GANC: variants seen among roughly 807,000 people sequenced by gnomAD.
GANC encodes the protein glucosidase alpha, neutral C.
GANC carries 117 observed loss-of-function variants against 124.2 expected under a neutral mutation model. That is an observed-to-expected ratio of 0.94 (90% CI 0.81 to 1.10). The LOEUF (loss-of-function observed/expected upper bound fraction) is 1.10, where lower values mean the gene tolerates loss of function less well. Among genes scored for constraint, GANC ranks in the 50% least tolerant of loss-of-function variants. The pLI is 0.00. For missense variants in GANC, 1,140 were observed against 1,095.0 expected (o/e 1.04, Z -0.58); for synonymous variants, 377 against 376.8 (o/e 1.00, Z -0.01).
At chr15:42,291,362 A>T (rs1376313406) in intron 4 of GANC, among the ~76,000 whole-genome samples, 1 of 152,194 alleles carries the variant, frequency 6.6e-6, no homozygotes, top group Non-Finnish European at 1.5e-5. Flanking sequence ...TCAGCTATGG[A>T]TTCTTCTGAA....
intron 18 of GANC, among the ~76,000 whole-genome samples, chr15:42,341,260 C>T (rs542180558): frequency 1.3e-5 from 2 of 152,094 alleles, no homozygotes; most frequent in South Asian, 4.2e-4. Flanking sequence ...TAGCATTTCT[C>T]ATAATATTGT....
At chr15:42,313,850 G>C (rs1168203908) in intron 10 of GANC, 1 of 556,928 alleles carries the variant, frequency 1.8e-6, no homozygotes, top group African/African-American at 1.9e-5. Flanking sequence ...GTGCTTCCTT[G>C]AATTCAAGTA....
At chr15:42,280,685 A>G (rs1354693057) in intron 3 of GANC, among the ~76,000 whole-genome samples, 2 of 152,172 alleles carry the variant, frequency 1.3e-5, no homozygotes, top group Non-Finnish European at 2.9e-5. Context: ...CAGAGCAAGA[A>G]TCCCTATCCA....
intron 5 of GANC, among the ~76,000 whole-genome samples, chr15:42,296,710 T>C (rs1187306707): frequency 6.6e-6 from 1 of 152,146 alleles, no homozygotes; most frequent in Non-Finnish European, 1.5e-5. Context: ...GGTTTTTAAT[T>C]GGATTCCCAC....
chr15:42,299,794 T>C (rs2051928631), intron 6 of GANC, among the ~76,000 whole-genome samples: 1 of 151,952 alleles, frequency 6.6e-6, no homozygotes, highest in Non-Finnish European at 1.5e-5. Context: ...ACCTCAGAAA[T>C]AACCAAATAA....
chr15:42,332,739 C>T (rs1281815442), intron 15 of GANC, among the ~76,000 whole-genome samples: 1 of 151,348 alleles, frequency 6.6e-6, no homozygotes, highest in Non-Finnish European at 1.5e-5. Flanking sequence ...TTGAGCCAGG[C>T]ACAGTGGCTC....
intron 3 of GANC, 37 bp downstream of exon 3, chr15:42,278,627 T>TC: frequency 1.4e-6 from 2 of 1,448,106 alleles, no homozygotes; most frequent in Non-Finnish European, 1.9e-6. Context: ...AATAATTTGT[T>TC]TCTGTATTTA....
At chr15:42,288,411 T>G (rs961877122) in intron 4 of GANC, among the ~76,000 whole-genome samples, 7 of 152,206 alleles carry the variant, frequency 4.6e-5, no homozygotes, top group Non-Finnish European at 8.8e-5. Context: ...CATAACACTT[T>G]CCAGTGATAT....
Position 42,352,592 on chromosome 15 carries a change from G to T in GANC, c.*453G>T, listed in dbSNP as rs76540793. ...ACAGCAGCCTCTGGTACTCCCCCCA[G>T]TTATCTTCCACCCACATGGACTGGG... On this transcript the variant is annotated 3_prime_UTR_variant, in exon 24 of 24. Transcript: ENST00000318010. 0.019 allele frequency: 18,965 copies of T among 1,007,300 alleles called. 197 individuals are homozygous for T. The highest frequency in any genetic ancestry group is 0.021 in the Non-Finnish European group (17,594 of 842,024). The allele number at this position is 1,007,300 out of a possible 1,614,324, so 62.4% of individuals were successfully genotyped here.
chr15:42,286,837 A>G (rs1396040973), intron 3 of GANC, among the ~76,000 whole-genome samples: 3 of 152,238 alleles, frequency 2.0e-5, no homozygotes, highest in Admixed American at 2.0e-4. Flanking sequence ...AACAGACATA[A>G]TAGTAACAAC....
intron 15 of GANC, among the ~76,000 whole-genome samples, chr15:42,334,156 G>A (rs1427553687): frequency 1.8e-5 from 2 of 111,196 alleles, no homozygotes; most frequent in African/African-American, 6.6e-5. Flanking sequence ...AAAAAACATA[G>A]AATAAAATCT....
intron 20 of GANC, among the ~76,000 whole-genome samples, chr15:42,346,369 AT>A (rs2052363640): frequency 6.6e-6 from 1 of 152,200 alleles, no homozygotes; most frequent in South Asian, 2.1e-4. Flanking sequence ...TTAAGGAGTC[AT>A]GGGGAATGAC....
intron 11 of GANC, 108 bp downstream of exon 11, chr15:42,322,128 G>A (rs1454151237): frequency 1.2e-6 from 1 of 834,166 alleles, no homozygotes; most frequent in South Asian, 1.8e-5. Context: ...AAAAATGGCT[G>A]TGAAAATAGT....
Position 42,273,302 on chromosome 15 carries a change from T to C in GANC, c.-1180T>C. 6.2e-7 allele frequency: 1 copy of C among 1,614,118 alleles called. No homozygotes were observed. Among genetic ancestry groups the C allele is most frequent in the Middle Eastern group, 1.6e-4 (1 of 6,062 alleles). ...TTGGACCGGTCGGCAGCAGCTACGGTTGCCGGTCCCGCACTGAAAAACGAC... is the reference window on the plus strand; with the variant it reads ...TTGGACCGGTCGGCAGCAGCTACGGCTGCCGGTCCCGCACTGAAAAACGAC... On this transcript the variant is annotated 5_prime_UTR_variant, in exon 1 of 24. Transcript: ENST00000318010.
Position 42,326,367 on chromosome 15 carries a change from C to T in GANC, c.1363C>T (p.Gln455Ter), listed in dbSNP as rs1195211304. ...DYSVYVKAKD[Q>*]GFFVKNQEGE... is the part of the protein sequence containing the mutation. ...CTCAGTATATGTGAAGGCCAAAGAT[C>T]AGGGCTTCTTTGTGAAGAATCAGGA... Residue 455 changes from glutamine (Q) to a stop codon, truncating the protein, a stop_gained, in exon 12 of 24, where the codon CAG becomes TAG. Transcript: ENST00000318010. LOFTEE classifies it high-confidence loss of function. 1 of 1,614,094 alleles carries T rather than the reference C, an allele frequency of 6.2e-7. No individual in the cohort carries two copies. Among genetic ancestry groups the T allele is most frequent in the Admixed American group, 1.7e-5 (1 of 60,022 alleles).
chr15:42,310,615 C>A, intron 9 of GANC, 78 bp from the exon 10 acceptor site: 4 of 1,544,066 alleles, frequency 2.6e-6, no homozygotes, highest in Non-Finnish European at 3.5e-6. Flanking sequence ...ACTAAAGGAT[C>A]AGACTGTTAC....
At chr15:42,284,126 T>A in intron 3 of GANC, 1 of 614,598 alleles carries the variant, frequency 1.6e-6, no homozygotes, top group Non-Finnish European at 2.9e-6. Context: ...TCCTGGTGCC[T>A]CAGGAAAAGC....
At chr15:42,324,299 G>A (rs114602354) in intron 11 of GANC, among the ~76,000 whole-genome samples, 1 of 152,060 alleles carries the variant, frequency 6.6e-6, no homozygotes, top group Non-Finnish European at 1.5e-5. Flanking sequence ...TGGCAAGGAT[G>A]TAGAGAAATT....
chr15:42,305,909 C>G, intron 6 of GANC, among the ~76,000 whole-genome samples: 1 of 146,552 alleles, frequency 6.8e-6, no homozygotes, highest in Non-Finnish European at 1.5e-5. Flanking sequence ...CACATGGACA[C>G]AGGGAGGGGA....
Sources: allele counts gnomAD v4.1 joint callset (sites outside exome capture counted in the v4.1 genomes callset), GRCh38; gene constraint gnomAD v4.1.1; transcripts MANE v1.5; gene names NCBI Gene and HGNC (gene_info 2026-07-23, HGNC 2026-07-21).